Variants in BASP1 observed in about 807,000 individuals in gnomAD.
The protein encoded by BASP1 is brain acid soluble protein 1.
In BASP1, 1 loss-of-function variant was observed where a neutral mutation model predicts 2.2. That is an observed-to-expected ratio of 0.46 (90% CI 0.16 to 2.17). The LOEUF is 2.17. Among genes scored for constraint, BASP1 ranks in the 30% most tolerant of loss-of-function variants. BASP1 has a pLI of 0.27. For missense variants in BASP1, 352 were observed against 327.2 expected, an observed-to-expected ratio of 1.08 and a Z score of -0.58; for synonymous variants, 187 against 154.2, an observed-to-expected ratio of 1.21 and a Z score of -1.58.
intron 1 of BASP1, among the ~76,000 whole-genome samples, chr5:17,250,350 ATTC>A (rs1371710974): frequency 6.6e-6 from 1 of 152,188 alleles, no homozygotes; most frequent in Non-Finnish European, 1.5e-5. Flanking sequence ...GAACTTGTCT[ATTC>A]TTTTCTGAAA....
rs187622199 is a variant in BASP1 at position 17,232,151 on chromosome 5, T to A, written c.-10+14341T>A. Among the ~76,000 whole-genome samples, 510 of 152,216 alleles carry A rather than the reference T, an allele frequency of 3.4e-3. 1 individual carries two copies. Among genetic ancestry groups the A allele is most frequent in the African/African-American group, 0.011 (470 of 41,516 alleles). The stretch of plus-strand genomic sequence containing the variant: ...TGTCCTCCCAAGGTAGAGTCCGAAA[T>A]GAAAAATGAAGCTGTGTATTATTTG... On this transcript the variant is annotated intron_variant, in intron 1 of 1. Transcript: ENST00000322611.
At chr5:17,244,150 G>A (rs959140430) in intron 1 of BASP1, among the ~76,000 whole-genome samples, 9 of 151,990 alleles carry the variant, frequency 5.9e-5, no homozygotes, top group African/African-American at 1.9e-4. Flanking sequence ...GTACATTCTC[G>A]GAATCTGGAG....
At chr5:17,253,647 T>G (rs897116541) in intron 1 of BASP1, among the ~76,000 whole-genome samples, 1 of 152,214 alleles carries the variant, frequency 6.6e-6, no homozygotes. Context: ...TCATGGTCCT[T>G]CCCAATCTCT....
At position 17,260,397 on chromosome 5, in the gene BASP1, T is replaced by C. The variant is rs1194529798; in HGVS notation, c.-9-14811T>C. On this transcript the variant is annotated intron_variant, in intron 1 of 1. Coordinates refer to ENST00000322611, the MANE Select transcript of BASP1 (RefSeq NM_006317.5). This position sits in a 1 kb window ranked among gnomAD's most constrained non-coding sequence, Gnocchi z 4.2. ...CAATTGGGAGATTCACCTTTAAAAATTGGTCTCTACAATATGCACATAGTA... is the reference window on the plus strand; with the variant it reads ...CAATTGGGAGATTCACCTTTAAAAACTGGTCTCTACAATATGCACATAGTA... 1.3e-5 allele frequency among the ~76,000 whole-genome samples: 2 copies of C among 152,158 alleles called. No individual in the cohort carries two copies. The highest frequency in any genetic ancestry group is 2.4e-5 in the African/African-American group (1 of 41,426).
intron 1 of BASP1, among the ~76,000 whole-genome samples, chr5:17,225,256 G>A (rs1324774576): frequency 6.9e-6 from 1 of 145,668 alleles, no homozygotes; most frequent in Non-Finnish European, 1.5e-5. Flanking sequence ...ATTTTTTTTT[G>A]TACCCTAGAA....
intron 1 of BASP1, among the ~76,000 whole-genome samples, chr5:17,272,791 C>T (rs1182373957): frequency 6.6e-6 from 1 of 152,112 alleles, no homozygotes; most frequent in Non-Finnish European, 1.5e-5. Flanking sequence ...AGAAACAAAT[C>T]GCAGCTGGGC....
At chr5:17,246,142 T>C (rs550127659) in intron 1 of BASP1, among the ~76,000 whole-genome samples, 1 of 152,242 alleles carries the variant, frequency 6.6e-6, no homozygotes, top group East Asian at 1.9e-4. Context: ...GCTTGGCCTC[T>C]TTAAAGGACA....
At chr5:17,252,362 T>C (rs1740119629) in intron 1 of BASP1, among the ~76,000 whole-genome samples, 1 of 152,222 alleles carries the variant, frequency 6.6e-6, no homozygotes, top group Non-Finnish European at 1.5e-5. Context: ...TTTATTGTCT[T>C]ATTTAATTTT....
At chr5:17,238,076 A>G (rs886141320) in intron 1 of BASP1, among the ~76,000 whole-genome samples, 9 of 150,632 alleles carry the variant, frequency 6.0e-5, no homozygotes, top group African/African-American at 2.2e-4. Context: ...ACACAGTTTG[A>G]TTGGCACTCC....
chr5:17,272,254 G>C (rs1469308014), intron 1 of BASP1, among the ~76,000 whole-genome samples: 1 of 152,048 alleles, frequency 6.6e-6, no homozygotes, highest in African/African-American at 2.4e-5. Flanking sequence ...AACTACCCCA[G>C]GTGGCACCAT....
At chr5:17,222,003 A>G (rs1313469355) in intron 1 of BASP1, among the ~76,000 whole-genome samples, 1 of 152,048 alleles carries the variant, frequency 6.6e-6, no homozygotes, top group Non-Finnish European at 1.5e-5. Flanking sequence ...AATTAGTGAT[A>G]TCAATTACAC....
chr5:17,243,460 A>C (rs554527375), intron 1 of BASP1, among the ~76,000 whole-genome samples: 1 of 152,170 alleles, frequency 6.6e-6, no homozygotes, highest in South Asian at 2.1e-4. Flanking sequence ...GGCTCCCTCC[A>C]ACCTTCTTAA....
At chr5:17,248,193 C>T (rs1035239260) in intron 1 of BASP1, among the ~76,000 whole-genome samples, 1 of 152,124 alleles carries the variant, frequency 6.6e-6, no homozygotes, top group African/African-American at 2.4e-5. Context: ...TGTGACAATC[C>T]CTTGGCTCAC....
intron 1 of BASP1, among the ~76,000 whole-genome samples, chr5:17,218,751 C>A (rs1292859899): frequency 6.7e-6 from 1 of 148,720 alleles, no homozygotes; most frequent in Non-Finnish European, 1.5e-5. Flanking sequence ...CCGCCCCCGT[C>A]CCCCCTCCAT....
intron 1 of BASP1, among the ~76,000 whole-genome samples, chr5:17,227,117 G>A (rs1441385799): frequency 6.6e-6 from 1 of 151,122 alleles, no homozygotes; most frequent in Non-Finnish European, 1.5e-5. Context: ...TTTTAGTAGA[G>A]ACAAGGTTTC....
intron 1 of BASP1, among the ~76,000 whole-genome samples, chr5:17,218,209 A>T (rs891556549): frequency 1.9e-4 from 26 of 140,430 alleles, no homozygotes; most frequent in Admixed American, 7.5e-4. Context: ...CGCTTCCGTC[A>T]TCGGAGCCCT....
At chr5:17,246,421 G>A (rs1739992368) in intron 1 of BASP1, among the ~76,000 whole-genome samples, 1 of 152,158 alleles carries the variant, frequency 6.6e-6, no homozygotes, top group South Asian at 2.1e-4. Context: ...CTGGGAGGCA[G>A]AGGTTGCGGT....
chr5:17,245,264 T>G (rs1739953878), intron 1 of BASP1, among the ~76,000 whole-genome samples: 1 of 145,502 alleles, frequency 6.9e-6, no homozygotes, highest in African/African-American at 2.6e-5. Context: ...CTCACACCAT[T>G]ACACTCTAGC....
chr5:17,245,157 C>T (rs1411132691), intron 1 of BASP1, among the ~76,000 whole-genome samples: 1 of 151,192 alleles, frequency 6.6e-6, no homozygotes, highest in African/African-American at 2.4e-5. Context: ...CAAAAATTAG[C>T]TGGGTGTGGT....
Sources: gnomAD v4.1 joint callset for allele counts (sites outside exome capture counted in the v4.1 genomes callset) on GRCh38, gnomAD v4.1.1 for gene constraint, Gnocchi (gnomAD v3.1) non-coding constraint, MANE v1.5 for transcripts, NCBI Gene and HGNC (gene_info 2026-07-23, HGNC 2026-07-21) for gene names.